The following TRPM3 variants were observed in gnomAD, a reference collection of about 807,000 sequenced individuals.
The protein encoded by TRPM3 is long transient receptor potential channel 3.
TRPM3 carries 77 observed loss-of-function variants against 181.2 expected under a neutral mutation model. The observed-to-expected ratio is 0.42, with a 90% CI of 0.35 to 0.51. TRPM3 has a LOEUF of 0.51. TRPM3 is among the 20% of genes least tolerant of loss of function. The probability of loss-of-function intolerance (pLI) is 0.01; values close to 1 mark genes in which losing one functional copy is unlikely to be tolerated. For synonymous variants in TRPM3, 745 were observed against 796.4 expected (o/e 0.94, Z 1.09); for missense variants, 1,759 against 2,196.7 (o/e 0.80, Z 3.98).
chr9:71,382,472 A>G (rs976370062), intron 1 of TRPM3, among the ~76,000 whole-genome samples: 1 of 152,146 alleles, frequency 6.6e-6, no homozygotes, highest in Non-Finnish European at 1.5e-5. Context: ...TACTCTAGGT[A>G]CAGTGGGATA....
intron 12 of TRPM3, among the ~76,000 whole-genome samples, chr9:70,630,031 C>T (rs1564627913): frequency 6.6e-6 from 1 of 152,172 alleles, no homozygotes; most frequent in East Asian, 1.9e-4. Flanking sequence ...TGGCCTTGAC[C>T]ACTGGGACCT....
chr9:71,228,438 C>T (rs1292913961), intron 1 of TRPM3, among the ~76,000 whole-genome samples: 1 of 152,118 alleles, frequency 6.6e-6, no homozygotes, highest in African/African-American at 2.4e-5. Flanking sequence ...CCACTTTCAC[C>T]ACTGTTATTC....
intron 1 of TRPM3, among the ~76,000 whole-genome samples, chr9:71,350,359 T>C (rs747108000): frequency 6.6e-6 from 1 of 152,196 alleles, no homozygotes; most frequent in Non-Finnish European, 1.5e-5. Context: ...AATCTTTCAA[T>C]ACTCCGGTTA....
At chr9:70,651,588 GTCAC>G (rs1228808824) in intron 9 of TRPM3, among the ~76,000 whole-genome samples, 2 of 152,144 alleles carry the variant, frequency 1.3e-5, no homozygotes, top group Non-Finnish European at 2.9e-5. Context: ...ATCTTGGGGT[GTCAC>G]TCACATCCAG....
chr9:71,377,777 A>T (rs978902448), intron 1 of TRPM3, among the ~76,000 whole-genome samples: 1 of 152,058 alleles, frequency 6.6e-6, no homozygotes, highest in African/African-American at 2.4e-5. Flanking sequence ...AAAATAGGAC[A>T]TTAGCTTCCC....
chr9:70,867,108 C>T (rs1249598162), intron 1 of TRPM3, among the ~76,000 whole-genome samples: 1 of 152,038 alleles, frequency 6.6e-6, no homozygotes. Flanking sequence ...ATTCTTTCCC[C>T]CTATCATTCC....
At chr9:71,264,946 G>A (rs1588191019) in intron 1 of TRPM3, among the ~76,000 whole-genome samples, 2 of 152,150 alleles carry the variant, frequency 1.3e-5, no homozygotes, top group African/African-American at 4.8e-5. Flanking sequence ...TGTATTAGTG[G>A]TGCGTGGGTG....
At chr9:70,635,609 C>T (rs2057051650) in intron 11 of TRPM3, among the ~76,000 whole-genome samples, 1 of 151,324 alleles carries the variant, frequency 6.6e-6, no homozygotes, top group South Asian at 2.1e-4. Context: ...AACACCATGC[C>T]TGGCTAATGC....
intron 1 of TRPM3, among the ~76,000 whole-genome samples, chr9:71,419,697 C>T (rs2093696385): frequency 6.6e-6 from 1 of 151,974 alleles, no homozygotes; most frequent in Admixed American, 6.6e-5. Flanking sequence ...CTTAACTGTA[C>T]ACTTAAAATG....
chr9:70,656,210 C>T (rs2133860850), intron 9 of TRPM3, among the ~76,000 whole-genome samples: 1 of 152,256 alleles, frequency 6.6e-6, no homozygotes, highest in South Asian at 2.1e-4. Flanking sequence ...CTGCCAAGTA[C>T]TATAAAGTGT....
Position 70,535,751 on chromosome 9 carries a change from C to G in TRPM3, c.*202G>C. On this transcript the variant is annotated 3_prime_UTR_variant, in exon 26 of 26. Transcript: ENST00000677713. ...CAAGTGTGAACATGCCTTAAATCCC[C>G]TGTGTCTGGCACTGGGTCAGATCAA... 4.1e-6 allele frequency: 6 copies of G among 1,454,130 alleles called. No homozygotes were observed. The highest frequency in any genetic ancestry group is 5.4e-6 in the Non-Finnish European group (6 of 1,111,178). The allele number at this position is 1,454,130 out of a possible 1,614,324, so 90.1% of individuals were successfully genotyped here.
At chr9:71,098,781 C>G (rs1330826192) in intron 1 of TRPM3, among the ~76,000 whole-genome samples, 1 of 152,148 alleles carries the variant, frequency 6.6e-6, no homozygotes, top group Non-Finnish European at 1.5e-5. Context: ...TCCTCCCCCT[C>G]AAGTGTTCTC....
chr9:70,873,076 C>T (rs1432022075), intron 1 of TRPM3, among the ~76,000 whole-genome samples: 1 of 151,716 alleles, frequency 6.6e-6, no homozygotes, highest in African/African-American at 2.4e-5. Context: ...ATGAGCCCAT[C>T]AAAAATATTT....
At chr9:71,319,631 C>T (rs1385863367) in intron 1 of TRPM3, among the ~76,000 whole-genome samples, 2 of 152,096 alleles carry the variant, frequency 1.3e-5, no homozygotes, top group Non-Finnish European at 2.9e-5. Flanking sequence ...AATGTCTTAC[C>T]CGCTTACCTG....
intron 4 of TRPM3, among the ~76,000 whole-genome samples, chr9:70,845,898 A>G (rs767135457): frequency 6.6e-5 from 10 of 152,244 alleles, no homozygotes; most frequent in Non-Finnish European, 1.2e-4. Context: ...CCATTGGCAC[A>G]GTGAGGAGTT....
intron 7 of TRPM3, among the ~76,000 whole-genome samples, chr9:70,778,811 A>G (rs1232085351): frequency 1.3e-5 from 2 of 152,144 alleles, no homozygotes; most frequent in East Asian, 3.9e-4. Flanking sequence ...TTAGATGGAA[A>G]TCTCTGGAGC....
intron 1 of TRPM3, among the ~76,000 whole-genome samples, chr9:70,978,811 C>T (rs1319109087): frequency 6.6e-6 from 1 of 152,188 alleles, no homozygotes; most frequent in Non-Finnish European, 1.5e-5. Flanking sequence ...TGATGCCCTG[C>T]CAGTGTCTTC....
chr9:70,642,079 A>G (rs2058137768), intron 9 of TRPM3, among the ~76,000 whole-genome samples: 1 of 152,196 alleles, frequency 6.6e-6, no homozygotes. Context: ...ATGCTGCTGG[A>G]TATCTCACGA....
intron 1 of TRPM3, among the ~76,000 whole-genome samples, chr9:71,028,302 G>GA (rs1301575726): frequency 6.6e-6 from 1 of 152,052 alleles, no homozygotes; most frequent in Non-Finnish European, 1.5e-5. Flanking sequence ...TGCCGTATAA[G>GA]AGCCCCTGAA....
Sources: gnomAD v4.1 joint callset for allele counts (sites outside exome capture counted in the v4.1 genomes callset) on GRCh38, gnomAD v4.1.1 for gene constraint, MANE v1.5 for transcripts, NCBI Gene and HGNC (gene_info 2026-07-23, HGNC 2026-07-21) for gene names.